CDH15: variants seen among roughly 807,000 people sequenced by gnomAD.
CDH15 encodes the protein cadherin 15.
In CDH15, 73 loss-of-function variants were observed where a neutral mutation model predicts 69.4. That is an observed-to-expected ratio of 1.05 (90% CI 0.87 to 1.28). The LOEUF (loss-of-function observed/expected upper bound fraction) is 1.28, where lower values mean the gene tolerates loss of function less well. CDH15 is among the 50% of genes most tolerant of loss of function. The pLI, the probability that CDH15 is intolerant of heterozygous loss-of-function variation, is 0.00. For missense variants in CDH15, 1,343 were observed against 1,133.6 expected (o/e 1.18, Z -2.65); for synonymous variants, 624 against 507.7 (o/e 1.23, Z -3.08).
At chr16:89,178,137 C>A (rs1279926600) in intron 1 of CDH15, among the ~76,000 whole-genome samples, 1 of 152,226 alleles carries the variant, frequency 6.6e-6, no homozygotes, top group Non-Finnish European at 1.5e-5. Context: ...CCTCAGTTTC[C>A]CCATCTGAGG....
At chr16:89,185,389 G>A in intron 5 of CDH15, 56 bp downstream of exon 5, 1 of 1,541,834 alleles carries the variant, frequency 6.5e-7, no homozygotes. Flanking sequence ...CCCATCTCCT[G>A]CGGGTCCCTC....
Position 89,195,149 on chromosome 16 carries a change from A to G in CDH15, c.2439A>G (p.Thr813=), listed in dbSNP as rs1039905478. ...GALLPRHRGR[T]A is the part of the protein sequence containing the mutation. ...TGCTACCCAGACACAGAGGCCGGAC[A>G]GCCTGACCCTGGGGCGCAACTGGAC... Residue 813 remains threonine (T), a synonymous_variant, in exon 14 of 14, where the codon ACA becomes ACG. Transcript: ENST00000289746. 5 of 1,589,212 alleles carry G rather than the reference A, an allele frequency of 3.1e-6. No homozygotes were observed. The highest frequency in any genetic ancestry group is 3.4e-5 in the Admixed American group (2 of 59,180).
At chr16:89,186,274 C>G (rs111772364) in intron 5 of CDH15, 9 of 95,250 alleles carry the variant, frequency 9.4e-5, no homozygotes, top group South Asian at 4.6e-4. Flanking sequence ...GCTCTGTAAA[C>G]GCTCACCCAG....
intron 1 of CDH15, among the ~76,000 whole-genome samples, chr16:89,172,596 G>A (rs1427139891): frequency 6.6e-6 from 1 of 152,168 alleles, no homozygotes; most frequent in East Asian, 1.9e-4. Flanking sequence ...TGGACTGCTG[G>A]CACCGTGGTC....
At position 89,185,346 on chromosome 16, in the gene CDH15, C is replaced by A; in HGVS notation, c.663+13C>A. ...GCTGGACCGCGAGGTGAGGTGGCGCCCCGGCAGCTCCACACCCGCACGGCC... is the reference window on the plus strand; with the variant it reads ...GCTGGACCGCGAGGTGAGGTGGCGCACCGGCAGCTCCACACCCGCACGGCC... On this transcript the variant is annotated intron_variant, in intron 5 of 13. Transcript: ENST00000289746. 1.3e-6 allele frequency: 2 copies of A among 1,588,680 alleles called. No homozygotes were observed. Among genetic ancestry groups the A allele is most frequent in the Non-Finnish European group, 1.7e-6 (2 of 1,167,872 alleles).
chr16:89,180,967 G>A (rs936821204), intron 3 of CDH15, among the ~76,000 whole-genome samples: 8 of 89,748 alleles, frequency 8.9e-5, no homozygotes, highest in African/African-American at 1.3e-4. Flanking sequence ...GAGCCACCGC[G>A]CCCGACCTTT....
Position 89,192,163 on chromosome 16 carries a change from C to T in CDH15, c.1616-42C>T, listed in dbSNP as rs773757986. The T allele has an allele frequency of 4.7e-6, 7 of 1,486,382 alleles. No homozygotes were observed. The East Asian group carries it at 1.5e-4, about 32-fold the overall frequency. The allele number at this position is 1,486,382 out of a possible 1,614,324, so 92.1% of individuals were successfully genotyped here. A position where few individuals can be genotyped will look rare whatever the true frequency, so the allele number is the denominator to read the frequency against. On this transcript the variant is annotated intron_variant, in intron 10 of 13. Coordinates refer to ENST00000289746, the MANE Select transcript of CDH15 (RefSeq NM_004933.3). ...GCGAGGAGGGCAGGCGAAGTGGGGGCGGCCTCGGGAGGCCCTCGCTCACCA... is the reference window on the plus strand; with the variant it reads ...GCGAGGAGGGCAGGCGAAGTGGGGGTGGCCTCGGGAGGCCCTCGCTCACCA...
Position 89,180,232 on chromosome 16 carries a change from C to A in CDH15, c.234C>A (p.Val78=). The part of the protein sequence containing the change: ...IKSDKQQLGS[V]IYSIQGPGVD... ...CGGACAAGCAGCAGCTGGGCAGCGT[C>A]ATCTACAGCATCCAGGGACCCGGCG... Residue 78 remains valine, a synonymous_variant, in exon 3 of 14, where the codon GTC becomes GTA. Transcript: ENST00000289746. 1 of 1,610,512 alleles carries A rather than the reference C, an allele frequency of 6.2e-7. No homozygotes were observed. The highest frequency in any genetic ancestry group is 8.5e-7 in the Non-Finnish European group (1 of 1,178,760).
intron 4 of CDH15, 87 bp downstream of exon 4, chr16:89,183,779 G>A (rs1915427560): frequency 1.4e-6 from 2 of 1,396,776 alleles, no homozygotes; most frequent in African/African-American, 2.9e-5. Flanking sequence ...AAGAATTCCA[G>A]AGGCCCCTCA....
chr16:89,195,157 C>A lies in CDH15; in HGVS notation c.*2C>A. 2 of 1,580,446 alleles carry A rather than the reference C, an allele frequency of 1.3e-6. No homozygotes were observed. Among genetic ancestry groups the A allele is most frequent in the African/African-American group, 1.3e-5 (1 of 74,724 alleles). The stretch of plus-strand genomic sequence containing the variant: ...AGACACAGAGGCCGGACAGCCTGAC[C>A]CTGGGGCGCAACTGGACATGCCACT... On this transcript the variant is annotated 3_prime_UTR_variant, in exon 14 of 14. Transcript: ENST00000289746.
At chr16:89,177,520 C>CTAGGGAG in intron 1 of CDH15, among the ~76,000 whole-genome samples, 1 of 152,208 alleles carries the variant, frequency 6.6e-6, no homozygotes, top group East Asian at 1.9e-4. Context: ...AGCCTGGCGA[C>CTAGGGAG]CCCCAGGACT....
intron 1 of CDH15, among the ~76,000 whole-genome samples, chr16:89,173,219 C>T (rs1017520698): frequency 6.6e-6 from 1 of 152,182 alleles, no homozygotes; most frequent in African/African-American, 2.4e-5. Context: ...CTGGGGGGCT[C>T]CATGCCTCCA....
At position 89,187,469 on chromosome 16, in the gene CDH15, T is replaced by C. The variant is rs776642279; in HGVS notation, c.704T>C (p.Met235Thr). The change falls in exon 6 of 14, where the codon ATG (methionine) becomes ACG (threonine). Residue 235 changes from methionine to threonine, a missense_variant. Physicochemically the swap from Met to Thr is moderately conservative, Grantham distance 81 (BLOSUM62 -1). Coordinates refer to ENST00000289746, the MANE Select transcript of CDH15 (RefSeq NM_004933.3). Reference protein sequence around the residue: ...VYNLTLQVADMSGDGLTATAS... With the variant: ...VYNLTLQVADTSGDGLTATAS... ...AATCTGACCCTGCAGGTGGCGGACA[T>C]GTCTGGAGACGGCCTCACAGCCACT... 11 of 1,613,482 alleles carry C rather than the reference T, an allele frequency of 6.8e-6. No individual in the cohort carries two copies. Among genetic ancestry groups the C allele is most frequent in the African/African-American group, 1.3e-5 (1 of 74,940 alleles).
chr16:89,190,845 G>C (rs778475305), intron 8 of CDH15, among the ~76,000 whole-genome samples: 3 of 152,098 alleles, frequency 2.0e-5, no homozygotes, highest in Non-Finnish European at 4.4e-5. Context: ...CCCGGGAAGG[G>C]CCAGCACCAA....
Position 89,193,591 on chromosome 16 carries a change from C to G in CDH15, c.1977C>G (p.Gly659=), listed in dbSNP as rs200178583. 5.1e-6 allele frequency: 7 copies of G among 1,361,918 alleles called. No homozygotes were observed. In the South Asian group the frequency reaches 8.3e-5, roughly 16 times the overall value. The allele number at this position is 1,361,918 out of a possible 1,614,324, so 84.4% of individuals were successfully genotyped here. A position where few individuals can be genotyped will look rare whatever the true frequency, so the allele number is the denominator to read the frequency against. ...TCCTCAACTACGATGAGCAAGGAGGCGGGGAGGAGGACCAGGTGAGGGGGC... is the reference window on the plus strand; with the variant it reads ...TCCTCAACTACGATGAGCAAGGAGGGGGGGAGGAGGACCAGGTGAGGGGGC... ...DNVLNYDEQG[G]GEEDQDAYDI... Residue 659 remains glycine (G), a synonymous_variant, in exon 12 of 14, where the codon GGC becomes GGG. Coordinates refer to ENST00000289746, the MANE Select transcript of CDH15 (RefSeq NM_004933.3).
In CDH15 at chr16:89,179,454, G is replaced by C; in HGVS notation, c.81G>C (p.Arg27Ser). Residue 27 changes from arginine to serine, a missense_variant, in exon 2 of 14, where the codon AGG becomes AGC. Transcript: ENST00000289746. Reference sequence around the variant, plus strand: ...CTTTGGGGGTTCCTGGATGGAGGAGGCCCACCACCCTGTACCCCTGGCGCC... The same window carrying C: ...CTTTGGGGGTTCCTGGATGGAGGAGCCCCACCACCCTGTACCCCTGGCGCC... The part of the protein sequence containing the change: ...CLSLGVPGWR[R>S]PTTLYPWRRA... 1 of 1,613,578 alleles carries C rather than the reference G, an allele frequency of 6.2e-7. No homozygotes were observed. The highest frequency in any genetic ancestry group is 8.5e-7 in the Non-Finnish European group (1 of 1,179,888).
At chr16:89,185,463 C>T (rs1267696898) in intron 5 of CDH15, 130 bp downstream of exon 5, 3 of 1,073,076 alleles carry the variant, frequency 2.8e-6, no homozygotes, top group South Asian at 1.3e-5. Context: ...TTGCAGTGGC[C>T]CTGGCTCCTG....
At chr16:89,193,448 C>A in intron 11 of CDH15, 22 bp from the exon 12 acceptor site, 1 of 1,596,612 alleles carries the variant, frequency 6.3e-7, no homozygotes, top group Non-Finnish European at 8.5e-7. Context: ...CTGGCCCCAG[C>A]CTGCGTCCCC....
At chr16:89,191,075 TG>T (rs376970531) in intron 8 of CDH15, among the ~76,000 whole-genome samples, 999 of 88,646 alleles carry the variant, frequency 0.011, 9 homozygotes, top group African/African-American at 0.04. Flanking sequence ...ATGTGCAAGG[TG>T]GGGGGGAGTG....
Sources: allele counts gnomAD v4.1 joint callset (sites outside exome capture counted in the v4.1 genomes callset), GRCh38; gene constraint gnomAD v4.1.1; transcripts MANE v1.5; gene names NCBI Gene and HGNC (gene_info 2026-07-23, HGNC 2026-07-21).